Variants in NEXMIF observed in about 807,000 individuals in gnomAD.
The protein encoded by NEXMIF is XLMR protein related to neurite extension.
Under a neutral mutation model 62.1 loss-of-function variants are expected in NEXMIF, and 8 were observed. That is an observed-to-expected ratio of 0.13 (90% confidence interval 0.08 to 0.23). The LOEUF is 0.23. Among genes scored for constraint, NEXMIF ranks in the 10% least tolerant of loss-of-function variants. The pLI is 1.00. For missense variants in NEXMIF, 976 were observed against 1,113.3 expected (o/e 0.88, Z 1.75); for synonymous variants, 404 against 416.6 (o/e 0.97, Z 0.37).
chrX:74,800,162 A>G (rs181932676), intron 1 of NEXMIF, among the ~76,000 whole-genome samples: 1 of 111,792 alleles, frequency 8.9e-6, no homozygotes, highest in East Asian at 2.8e-4. Flanking sequence ...GAAACTACAC[A>G]AAGTATCCAC....
In NEXMIF at chrX:74,741,853, C is replaced by T. The variant is rs1455060330; in HGVS notation, c.2704G>A (p.Ala902Thr). 3.3e-6 allele frequency: 4 copies of T among 1,211,785 alleles called. No homozygotes were observed. The South Asian group carries it at 7.0e-5, about 21-fold the overall frequency. Residue 902 changes from alanine to threonine, a missense_variant, in exon 3 of 4, where the codon GCT becomes ACT. This residue lies in a region of NEXMIF where 639 missense variants were observed against 694.5 expected (regional missense o/e 0.92). Transcript: ENST00000055682. Reference sequence around the variant, plus strand: ...GGGGCTATCTCCCTTGAGACTTCAGCCATGAATTCCTGGGTGCCAGAAGTA... The same window carrying T: ...GGGGCTATCTCCCTTGAGACTTCAGTCATGAATTCCTGGGTGCCAGAAGTA... ...KATSGTQEFM[A>T]EVSREIAPTQ...
chrX:74,856,478 AG>A (rs2080535452), intron 1 of NEXMIF, among the ~76,000 whole-genome samples: 1 of 111,533 alleles, frequency 9.0e-6, no homozygotes. Context: ...CCAGAAGCGG[AG>A]GAGAGAGAAA....
At chrX:74,900,474 A>AAAAAAG (rs58922805) in intron 1 of NEXMIF, among the ~76,000 whole-genome samples, 9,525 of 105,699 alleles carry the variant, frequency 0.09, 1,165 homozygotes, top group East Asian at 0.83. Context: ...AAAAAAAAAA[A>AAAAAAG]AAAAAGAAAA....
At chrX:74,797,933 A>T (rs2080317253) in intron 1 of NEXMIF, among the ~76,000 whole-genome samples, 1 of 112,397 alleles carries the variant, frequency 8.9e-6, no homozygotes, top group African/African-American at 3.2e-5. Flanking sequence ...GGAAGTATTC[A>T]GTGTTCTCCG....
At chrX:74,791,884 A>C (rs1317418415) in intron 1 of NEXMIF, among the ~76,000 whole-genome samples, 8 of 110,564 alleles carry the variant, frequency 7.2e-5, no homozygotes, top group East Asian at 5.7e-4. Flanking sequence ...ATTAGTCTTG[A>C]TAGCGGTCTA....
Position 74,741,293 on chromosome X carries a change from A to G in NEXMIF, c.3264T>C (p.Ser1088=), listed in dbSNP as rs754359488. Residue 1088 remains serine, a synonymous_variant, in exon 3 of 4, where the codon AGT becomes AGC. Coordinates refer to ENST00000055682, the MANE Select transcript of NEXMIF (RefSeq NM_001008537.3). The part of the protein sequence containing the change: ...SLSPQITRCE[S]MKTLGTLKGF... ...CCTTTAGTGTTCCTAGTGTCTTCAT[A>G]CTCTCACATCTGGTAATTTGAGGGG... 1 of 1,210,149 alleles carries G rather than the reference A, an allele frequency of 8.3e-7. No individual in the cohort carries two copies. Among genetic ancestry groups the G allele is most frequent in the Admixed American group, 2.2e-5 (1 of 45,870 alleles).
At chrX:74,872,197 C>G (rs770095042) in intron 1 of NEXMIF, among the ~76,000 whole-genome samples, 1 of 111,035 alleles carries the variant, frequency 9.0e-6, no homozygotes, top group South Asian at 3.9e-4. Flanking sequence ...CCCTGACTTC[C>G]CGCAACAAAA....
chrX:74,815,666 G>A (rs1214691437), intron 1 of NEXMIF, among the ~76,000 whole-genome samples: 1 of 97,163 alleles, frequency 1.0e-5, no homozygotes, highest in Non-Finnish European at 2.0e-5. Context: ...ATGGAGTCTC[G>A]CTCTGTCTCC....
Position 74,740,344 on chromosome X carries a change from T to C in NEXMIF, c.4213A>G (p.Thr1405Ala). 8.3e-7 allele frequency: 1 copy of C among 1,211,902 alleles called. No homozygotes were observed. Among genetic ancestry groups the C allele is most frequent in the Non-Finnish European group, 1.1e-6 (1 of 895,499 alleles). Residue 1405 changes from threonine (T) to alanine (A), a missense_variant, in exon 3 of 4, where the codon ACA (threonine) becomes GCA (alanine). Physicochemically the swap from Thr to Ala is moderately conservative, Grantham distance 58. Transcript: ENST00000055682. ...IKGVSKSNGK[T>A]AIGDPGRANM... ...GCACGACCAGGATCACCTATTGCTG[T>C]TTTCCCATTGCTTTTGCTCACACCC...
At chrX:74,868,818 T>C (rs2080589916) in intron 1 of NEXMIF, among the ~76,000 whole-genome samples, 1 of 110,652 alleles carries the variant, frequency 9.0e-6, no homozygotes. Context: ...AAAAAAGTAA[T>C]GAGTTCGAAG....
chrX:74,758,062 A>G (rs1316511742), intron 1 of NEXMIF, among the ~76,000 whole-genome samples: 1 of 112,104 alleles, frequency 8.9e-6, no homozygotes, highest in Non-Finnish European at 1.9e-5. Flanking sequence ...ACTACTCCAG[A>G]AGGCTAAAAC....
At chrX:74,745,746 G>A in intron 1 of NEXMIF, 49 bp from the exon 2 acceptor site, 1 of 575,388 alleles carries the variant, frequency 1.7e-6, no homozygotes. Flanking sequence ...GTTTTATTTT[G>A]TGTTTTATAG....
intron 1 of NEXMIF, among the ~76,000 whole-genome samples, chrX:74,876,988 T>C (rs2080637903): frequency 8.9e-6 from 1 of 111,751 alleles, no homozygotes; most frequent in Non-Finnish European, 1.9e-5. Flanking sequence ...TTAGTCCATT[T>C]ACATTTAAAG....
intron 1 of NEXMIF, among the ~76,000 whole-genome samples, chrX:74,784,399 C>T (rs906009045): frequency 4.5e-5 from 5 of 111,209 alleles, no homozygotes; most frequent in East Asian, 5.7e-4. Context: ...GTAGTGGTGA[C>T]GAAATTATCT....
At chrX:74,913,224 G>A (rs1329696006) in intron 1 of NEXMIF, among the ~76,000 whole-genome samples, 9 of 111,262 alleles carry the variant, frequency 8.1e-5, no homozygotes, top group South Asian at 3.8e-4. Context: ...TGTAACAAAC[G>A]AAAAATAGAA....
At chrX:74,799,401 C>A in intron 1 of NEXMIF, among the ~76,000 whole-genome samples, 1 of 110,231 alleles carries the variant, frequency 9.1e-6, no homozygotes, top group East Asian at 2.8e-4. Flanking sequence ...GAGCTGCCAG[C>A]AAAATAAATA....
chrX:74,828,969 C>T (rs1302349290), intron 1 of NEXMIF, among the ~76,000 whole-genome samples: 1 of 111,772 alleles, frequency 8.9e-6, no homozygotes, highest in Non-Finnish European at 1.9e-5. Context: ...ACACCTTGCA[C>T]AGTTATCTAG....
At chrX:74,902,355 T>C (rs1360527755) in intron 1 of NEXMIF, among the ~76,000 whole-genome samples, 3 of 109,512 alleles carry the variant, frequency 2.7e-5, no homozygotes, top group Non-Finnish European at 5.7e-5. Context: ...TGTGTGTGTA[T>C]ATATATACAT....
chrX:74,888,313 A>C lies in NEXMIF; in HGVS notation c.-48+36570T>G, dbSNP rs182798524. On this transcript the variant is annotated intron_variant, in intron 1 of 3. Coordinates refer to ENST00000055682, the MANE Select transcript of NEXMIF (RefSeq NM_001008537.3). Reference sequence around the variant, plus strand: ...ATAATAATAATAAACAAACAAACAAAAAAAAAAAGAAAATGTGGCACATAT... The same window carrying C: ...ATAATAATAATAAACAAACAAACAACAAAAAAAAGAAAATGTGGCACATAT... 1.9e-3 allele frequency among the ~76,000 whole-genome samples: 199 copies of C among 107,183 alleles called. 3 individuals are homozygous for C. Among genetic ancestry groups the C allele is most frequent in the African/African-American group, 6.3e-3 (185 of 29,383 alleles). The allele number at this position is 107,183 out of a possible 115,157, so 93.1% of individuals were successfully genotyped here.
Sources: gnomAD v4.1 joint callset for allele counts (sites outside exome capture counted in the v4.1 genomes callset) on GRCh38, gnomAD v4.1.1 for gene constraint, gnomAD v4.1.1 regional missense constraint, MANE v1.5 for transcripts, NCBI Gene and HGNC (gene_info 2026-07-23, HGNC 2026-07-21) for gene names.